TNRC6C: variants seen among roughly 807,000 people sequenced by gnomAD.
The protein encoded by TNRC6C is trinucleotide repeat containing adaptor 6C.
TNRC6C carries 20 observed loss-of-function variants against 153.7 expected under a neutral mutation model. The ratio of observed to expected loss-of-function variants is 0.13; its 90% confidence interval spans 0.09 to 0.19. TNRC6C has a LOEUF of 0.19. TNRC6C is among the 10% of genes least tolerant of loss of function. The pLI is 1.00. For missense variants in TNRC6C, 1,987 were observed against 2,172.0 expected, an observed-to-expected ratio of 0.91 and a Z score of 1.69; for synonymous variants, 811 against 841.4, an observed-to-expected ratio of 0.96 and a Z score of 0.63.
intron 14 of TNRC6C, among the ~76,000 whole-genome samples, chr17:78,092,085 T>A (rs563825201): frequency 2.0e-5 from 3 of 152,312 alleles, no homozygotes; most frequent in Admixed American, 2.0e-4. Flanking sequence ...TCTTTACTGA[T>A]GGACACACGA....
At chr17:78,029,320 C>T (rs1053460461) in intron 1 of TNRC6C, among the ~76,000 whole-genome samples, 10 of 152,216 alleles carry the variant, frequency 6.6e-5, no homozygotes, top group Non-Finnish European at 1.3e-4. Context: ...CAGGTTGCTA[C>T]TCACCTATGC....
At chr17:78,056,686 C>T (rs778522300) in intron 3 of TNRC6C, among the ~76,000 whole-genome samples, 1 of 151,616 alleles carries the variant, frequency 6.6e-6, no homozygotes, top group South Asian at 2.1e-4. Context: ...AGGATGGTCT[C>T]GGTCTCCTGA....
chr17:77,988,872 A>C (rs1240140798), intron 1 of TNRC6C, among the ~76,000 whole-genome samples: 1 of 152,256 alleles, frequency 6.6e-6, no homozygotes. Context: ...ATTCTGGATC[A>C]TCTTCATTTC....
intron 6 of TNRC6C, 79 bp downstream of exon 8, chr17:78,071,244 T>G: frequency 7.2e-7 from 1 of 1,393,856 alleles, no homozygotes; most frequent in Non-Finnish European, 1.0e-6. Context: ...TCCATGTTTG[T>G]TATGTGTGTC....
exon 20 of TNRC6C, chr17:78,108,168 C>G (rs1438846136): frequency 6.6e-6 from 1 of 152,368 alleles, no homozygotes; most frequent in Non-Finnish European, 1.5e-5. Flanking sequence ...GTCTGCGCTC[C>G]CTGGGGCAAG....
intron 2 of TNRC6C, among the ~76,000 whole-genome samples, chr17:78,045,639 A>G (rs895547251): frequency 6.6e-6 from 1 of 152,222 alleles, no homozygotes; most frequent in African/African-American, 2.4e-5. Flanking sequence ...GGAAGCATAT[A>G]TTGTTTGCCT....
At chr17:78,027,965 C>T (rs1033488406) in intron 1 of TNRC6C, among the ~76,000 whole-genome samples, 5 of 150,488 alleles carry the variant, frequency 3.3e-5, no homozygotes, top group South Asian at 2.1e-4. Context: ...GTGCGATCTC[C>T]GCTCATTGCA....
chr17:78,037,746 T>C (rs2072208151), intron 2 of TNRC6C, among the ~76,000 whole-genome samples: 1 of 152,204 alleles, frequency 6.6e-6, no homozygotes, highest in Non-Finnish European at 1.5e-5. Context: ...CTTCTTTTGG[T>C]AATAGAGCCA....
At chr17:78,006,330 G>A (rs997261275) in intron 1 of TNRC6C, among the ~76,000 whole-genome samples, 2 of 152,190 alleles carry the variant, frequency 1.3e-5, no homozygotes, top group Non-Finnish European at 2.9e-5. Context: ...CAGAAGCACT[G>A]TGAATTTACA....
At chr17:78,024,680 T>C (rs1454297304) in intron 1 of TNRC6C, among the ~76,000 whole-genome samples, 1 of 151,462 alleles carries the variant, frequency 6.6e-6, no homozygotes, top group Non-Finnish European at 1.5e-5. Context: ...AGAGCAGTTT[T>C]AAGTTTACAA....
At chr17:77,967,081 T>G (rs2070902796) in intron 1 of TNRC6C, among the ~76,000 whole-genome samples, 1 of 152,198 alleles carries the variant, frequency 6.6e-6, no homozygotes, top group Admixed American at 6.5e-5. Flanking sequence ...TAAAAATATT[T>G]TTTATTTTAT....
At chr17:77,966,726 A>C (rs572699269) in intron 1 of TNRC6C, among the ~76,000 whole-genome samples, 1 of 152,332 alleles carries the variant, frequency 6.6e-6, no homozygotes, top group East Asian at 1.9e-4. Flanking sequence ...GAGCCATGTA[A>C]TAATAGACGT....
rs74655233 is a variant in TNRC6C at position 78,075,631 on chromosome 17, A to G, written c.3060+353A>G. 5.9e-4 allele frequency among the ~76,000 whole-genome samples: 90 copies of G among 152,282 alleles called. No individual in the cohort carries two copies. The East Asian group carries it at 0.017, about 28-fold the overall frequency. On this transcript the variant is annotated intron_variant, in intron 8 of 19. Coordinates refer to ENST00000301624, the Ensembl canonical transcript of TNRC6C. This position sits in a 1 kb window ranked among gnomAD's most constrained non-coding sequence, Gnocchi z 4.2. ...CTTCCCTTTGGAAATTACGTGTTAG[A>G]TGTTTATCCTCAGGAAAAGGGATTG...
intron 16 of TNRC6C, among the ~76,000 whole-genome samples, chr17:78,095,022 G>C (rs2073459437): frequency 6.6e-6 from 1 of 152,234 alleles, no homozygotes; most frequent in African/African-American, 2.4e-5. Flanking sequence ...GTCACACCTG[G>C]TGGGGCACCA....
intron 1 of TNRC6C, among the ~76,000 whole-genome samples, chr17:77,961,892 G>A (rs1451094676): frequency 6.6e-6 from 1 of 152,178 alleles, no homozygotes; most frequent in Non-Finnish European, 1.5e-5. Flanking sequence ...GCTTTCCTGA[G>A]ATACATTTGT....
intron 3 of TNRC6C, among the ~76,000 whole-genome samples, chr17:78,057,299 C>T (rs924985674): frequency 1.3e-5 from 2 of 152,212 alleles, no homozygotes; most frequent in South Asian, 4.1e-4. Flanking sequence ...ATGAACCAAG[C>T]CTTCTTTTGC....
At chr17:78,066,119 T>A (rs983110283) in intron 4 of TNRC6C, 4 of 151,970 alleles carry the variant, frequency 2.6e-5, no homozygotes, top group African/African-American at 9.7e-5. Context: ...TAATCCCAGC[T>A]ACTCAGGAGG....
At chr17:78,021,436 T>C (rs1033435333) in intron 1 of TNRC6C, among the ~76,000 whole-genome samples, 2 of 152,264 alleles carry the variant, frequency 1.3e-5, no homozygotes, top group Non-Finnish European at 2.9e-5. Flanking sequence ...CACCTGCGTT[T>C]CTAAGAGAGT....
intron 1 of TNRC6C, among the ~76,000 whole-genome samples, chr17:78,005,346 A>G (rs1172917792): frequency 6.6e-6 from 1 of 152,198 alleles, no homozygotes; most frequent in Non-Finnish European, 1.5e-5. Flanking sequence ...GATTTCCACC[A>G]AACAGGATCG....
Sources: gnomAD v4.1 joint callset for allele counts (sites outside exome capture counted in the v4.1 genomes callset) on GRCh38, gnomAD v4.1.1 for gene constraint, Gnocchi (gnomAD v3.1) non-coding constraint, MANE v1.5 for transcripts, NCBI Gene and HGNC (gene_info 2026-07-23, HGNC 2026-07-21) for gene names.